Variants in SYT13 observed in about 807,000 individuals in gnomAD.
The protein encoded by SYT13 is synaptotagmin 13, also known as synaptotagmin-13.
A neutral mutation model predicts 38.6 loss-of-function variants in SYT13; 21 were observed. The observed-to-expected ratio is 0.54, with a 90% CI of 0.39 to 0.78. The LOEUF is 0.78. SYT13 is among the 30% of genes least tolerant of loss of function. The pLI is 0.00. For synonymous variants in SYT13, 241 were observed against 237.6 expected, an observed-to-expected ratio of 1.01 and a Z score of -0.13; for missense variants, 495 against 548.7, an observed-to-expected ratio of 0.90 and a Z score of 0.98.
At chr11:45,276,393 G>A (rs1222487176) in intron 1 of SYT13, among the ~76,000 whole-genome samples, 3 of 152,104 alleles carry the variant, frequency 2.0e-5, no homozygotes, top group Non-Finnish European at 2.9e-5. Context: ...GAGAACACAT[G>A]GACACAGAGA....
chr11:45,256,350 C>T (rs185687503), intron 1 of SYT13, among the ~76,000 whole-genome samples: 5 of 152,226 alleles, frequency 3.3e-5, no homozygotes, highest in Non-Finnish European at 7.4e-5. Flanking sequence ...TGATATCGCC[C>T]CCAATCCTTC....
rs752950067 is a variant in SYT13, at chr11:45,252,574, C to T, written c.693G>A (p.Glu231=). ...WEEGLVLPLA[E]EELPTATLTL... is the part of the protein sequence containing the mutation. ...TCAGGGTGGCTGTGGGGAGCTCCTC[C>T]TCCGCCAGGGGGAGCACCAGGCCCT... Residue 231 remains glutamate, a synonymous_variant, in exon 4 of 6, where the codon GAG becomes GAA. Coordinates refer to ENST00000020926, the MANE Select transcript of SYT13 (RefSeq NM_020826.3). This position sits in a 1 kb window ranked among gnomAD's most constrained non-coding sequence, Gnocchi z 4.3. 8.5e-5 allele frequency: 137 copies of T among 1,614,008 alleles called. 1 individual carries two copies. In the Admixed American group the frequency reaches 1.8e-3, roughly 22 times the overall value.
rs80167286 is a variant in SYT13, at chr11:45,276,721, A to T, written c.183+9304T>A. 5.5e-3 allele frequency among the ~76,000 whole-genome samples: 835 copies of T among 150,508 alleles called. 7 individuals carry two copies. The highest frequency in any genetic ancestry group is 0.012 in the African/African-American group (489 of 40,650). ...CAGTAGGATGACTTTTTAAAAAAAA[A>T]AAATAAATAAAATAAATAAAAATTA... On this transcript the variant is annotated intron_variant, in intron 1 of 5. Coordinates refer to ENST00000020926, the MANE Select transcript of SYT13 (RefSeq NM_020826.3).
intron 1 of SYT13, among the ~76,000 whole-genome samples, chr11:45,262,721 T>TCTCACACA (rs532630805): frequency 2.6e-5 from 2 of 78,174 alleles, no homozygotes; most frequent in Non-Finnish European, 6.8e-5. Flanking sequence ...GGAGATCCTA[T>TCTCACACA]CACACACACA....
chr11:45,261,716 G>T (rs1046544013), intron 1 of SYT13, among the ~76,000 whole-genome samples: 2 of 152,124 alleles, frequency 1.3e-5, no homozygotes, highest in South Asian at 2.1e-4. Context: ...AGGAGTTCCA[G>T]ACCAGCCTGG....
At chr11:45,263,913 G>A (rs1366391948) in intron 1 of SYT13, among the ~76,000 whole-genome samples, 1 of 152,168 alleles carries the variant, frequency 6.6e-6, no homozygotes, top group Non-Finnish European at 1.5e-5. Context: ...GGGTTGGATT[G>A]AGGCTTAGAT....
Position 45,286,157 on chromosome 11 carries a change from G to C in SYT13, c.51C>G (p.Ala17=). 2 of 1,590,030 alleles carry C rather than the reference G, an allele frequency of 1.3e-6. No individual in the cohort carries two copies. Among genetic ancestry groups the C allele is most frequent in the Non-Finnish European group, 1.7e-6 (2 of 1,171,290 alleles). The change falls in exon 1 of 6, where the codon GCC becomes GCG. Residue 17 remains alanine (A), a synonymous_variant. Transcript: ENST00000020926. The stretch of plus-strand genomic sequence containing the variant: ...CCCCGCACAACGCGAGGATGCTGGT[G>C]GCTGTGCCCAGCGTGGCGCCCAGCG... ...VIALGATLGT[A]TSILALCGVT...
At chr11:45,256,441 C>T (rs1341126951) in intron 1 of SYT13, among the ~76,000 whole-genome samples, 1 of 152,176 alleles carries the variant, frequency 6.6e-6, no homozygotes, top group Admixed American at 6.5e-5. Context: ...CAGCCCCTAA[C>T]TTTTCCTCCC....
At position 45,255,795 on chromosome 11, in the gene SYT13, C is replaced by T. The variant is rs772982659; in HGVS notation, c.280G>A (p.Val94Ile). 1 of 1,614,160 alleles carries T rather than the reference C, an allele frequency of 6.2e-7. No homozygotes were observed. The highest frequency in any genetic ancestry group is 8.5e-7 in the Non-Finnish European group (1 of 1,180,030). ...GPRPAVTAPE[V>I]INYADYSLRS... ...AGTGAATAGTCTGCATAGTTGATGACCTCTGGAGCCGTCACAGCTGGCCTG... is the reference window on the plus strand; with the variant it reads ...AGTGAATAGTCTGCATAGTTGATGATCTCTGGAGCCGTCACAGCTGGCCTG... Residue 94 changes from valine (V) to isoleucine (I), a missense_variant, in exon 2 of 6, where the codon GTC (valine) becomes ATC (isoleucine). Transcript: ENST00000020926.
Position 45,243,928 on chromosome 11 carries a change from A to T in SYT13, c.*124T>A. 9.6e-7 allele frequency: 1 copy of T among 1,046,476 alleles called. No homozygotes were observed. Among genetic ancestry groups the T allele is most frequent in the Non-Finnish European group, 1.4e-6 (1 of 720,640 alleles). 64.8% of individuals were successfully genotyped at this position (1,046,476 alleles called of 1,614,324 possible). Reference sequence around the variant, plus strand: ...GAAACAAGAGTATGATGAGAGAGCCATCCCAGCCTTGCAAACACATCTGTC... The same window carrying T: ...GAAACAAGAGTATGATGAGAGAGCCTTCCCAGCCTTGCAAACACATCTGTC... On this transcript the variant is annotated 3_prime_UTR_variant, in exon 6 of 6. Coordinates refer to ENST00000020926, the MANE Select transcript of SYT13 (RefSeq NM_020826.3).
chr11:45,286,073 G>T lies in SYT13; in HGVS notation c.135C>A (p.Asp45Glu). The stretch of plus-strand genomic sequence containing the variant: ...TGGGCTTCGCCTTCTCCAGGTCGGG[G>T]TCCTGGTCCCGCGGCAGCAGCCCCT... The part of the protein sequence containing the change: ...PKKGLLPRDQ[D>E]PDLEKAKPSL... Residue 45 changes from aspartate to glutamate, a missense_variant, in exon 1 of 6, where the codon GAC becomes GAA. By Grantham distance (45) the Asp-to-Glu change is conservative. Transcript: ENST00000020926. 1.2e-6 allele frequency: 2 copies of T among 1,609,686 alleles called. No homozygotes were observed. Among genetic ancestry groups the T allele is most frequent in the Non-Finnish European group, 1.7e-6 (2 of 1,179,498 alleles).
rs372357229 is a variant in SYT13 at position 45,246,558 on chromosome 11, G to A, written c.847-46C>T. On this transcript the variant is annotated intron_variant, in intron 4 of 5. Transcript: ENST00000020926. ...CAGGAGGGGAGTCTCACCTGGGGAC[G>A]CCTTCCAACCCATCAACAAATGCTG... 3.0e-5 allele frequency: 48 copies of A among 1,598,888 alleles called. No homozygotes were observed. The African/African-American group carries it at 4.7e-4, about 16-fold the overall frequency.
Position 45,286,177 on chromosome 11 carries a change from C to G in SYT13, c.31G>C (p.Gly11Arg). Residue 11 changes from glycine (G) to arginine (R), a missense_variant, in exon 1 of 6, where the codon GGC becomes CGC. Coordinates refer to ENST00000020926, the MANE Select transcript of SYT13 (RefSeq NM_020826.3). MVLSVPVIALGATLGTATSIL... is the reference protein window; with the variant it reads MVLSVPVIALRATLGTATSIL... ...CTGGTGGCTGTGCCCAGCGTGGCGC[C>G]CAGCGCGATCACAGGCACCGACAGC... 6.3e-7 allele frequency: 1 copy of G among 1,578,230 alleles called. No individual in the cohort carries two copies. The highest frequency in any genetic ancestry group is 1.3e-5 in the African/African-American group (1 of 74,838).
chr11:45,271,615 T>A (rs964709001), intron 1 of SYT13, among the ~76,000 whole-genome samples: 4 of 152,112 alleles, frequency 2.6e-5, no homozygotes, highest in African/African-American at 9.7e-5. Context: ...TTATAAACAA[T>A]GGAGAAACGT....
intron 1 of SYT13, among the ~76,000 whole-genome samples, chr11:45,280,385 G>T (rs1173092771): frequency 6.6e-6 from 1 of 151,920 alleles, no homozygotes; most frequent in Non-Finnish European, 1.5e-5. Flanking sequence ...CAAAAAGGAG[G>T]CTCATGTCTC....
At chr11:45,276,594 A>T (rs1448789784) in intron 1 of SYT13, among the ~76,000 whole-genome samples, 1 of 152,134 alleles carries the variant, frequency 6.6e-6, no homozygotes, top group African/African-American at 2.4e-5. Flanking sequence ...TTTTTAAAAA[A>T]ACTTGCCAGC....
intron 1 of SYT13, among the ~76,000 whole-genome samples, chr11:45,281,511 C>CA (rs925777371): frequency 6.6e-6 from 1 of 151,992 alleles, no homozygotes; most frequent in Non-Finnish European, 1.5e-5. Context: ...ACCAAAAATA[C>CA]AAAAAAATTG....
At chr11:45,255,957 G>A (rs1188547954) in intron 1 of SYT13, 66 bp from the exon 2 acceptor site, 1 of 1,535,464 alleles carries the variant, frequency 6.5e-7, no homozygotes, top group Non-Finnish European at 9.0e-7. Flanking sequence ...CCCCATGGAA[G>A]GGAGAAACGG....
chr11:45,261,511 T>C (rs77969320), intron 1 of SYT13, among the ~76,000 whole-genome samples: 5,166 of 151,544 alleles, frequency 0.034, 320 homozygotes, highest in East Asian at 0.24. Flanking sequence ...GGCAGAAGAA[T>C]GGCGTGAACC....
Sources: allele counts gnomAD v4.1 joint callset (sites outside exome capture counted in the v4.1 genomes callset), GRCh38; gene constraint gnomAD v4.1.1; non-coding constraint Gnocchi (gnomAD v3.1); transcripts MANE v1.5; gene names NCBI Gene and HGNC (gene_info 2026-07-23, HGNC 2026-07-21).